The following ROCK1 variants were observed in gnomAD, a reference collection of about 807,000 sequenced individuals.
The protein encoded by ROCK1 is rho-associated protein kinase 1.
In ROCK1, 36 loss-of-function variants were observed where a neutral mutation model predicts 196.8. The ratio of observed to expected loss-of-function variants is 0.18; its 90% confidence interval spans 0.14 to 0.24. The LOEUF (loss-of-function observed/expected upper bound fraction) is 0.24, where lower values mean the gene tolerates loss of function less well. Among genes scored for constraint, ROCK1 ranks in the 10% least tolerant of loss-of-function variants. The pLI is 1.00. For missense variants in ROCK1, 920 were observed against 1,562.0 expected (o/e 0.59, Z 6.93); for synonymous variants, 443 against 515.9 (o/e 0.86, Z 1.91).
rs75429805 is a variant in ROCK1 at position 21,089,052 on chromosome 18, CT to C, written c.94-18440del. Among the ~76,000 whole-genome samples the C allele has an allele frequency of 6.1e-3, 902 of 147,756 alleles. 5 individuals are homozygous for C. The highest frequency in any genetic ancestry group is 0.021 in the African/African-American group (837 of 40,488). On this transcript the variant is annotated intron_variant, in intron 1 of 32. Coordinates refer to ENST00000399799, the MANE Select transcript of ROCK1 (RefSeq NM_005406.3). ...TTATAAATAACATATTTTATTAAAA[CT>C]TTTTTTTTTTAAGACGGAGTCTTGC... is the stretch of plus-strand genomic sequence containing the variant.
Position 21,012,664 on chromosome 18 carries a change from T to C in ROCK1, c.1410+2767A>G, listed in dbSNP as rs190104953. ...TTGCTAAGCTTCTTGGTAGTTCATG[T>C]CTTTTGTCAGTTCAGGTCTTTTGTC... On this transcript the variant is annotated intron_variant, in intron 13 of 32. Coordinates refer to ENST00000399799, the MANE Select transcript of ROCK1 (RefSeq NM_005406.3). 2.8e-3 allele frequency among the ~76,000 whole-genome samples: 426 copies of C among 152,358 alleles called. 2 individuals are homozygous for C. The highest frequency in any genetic ancestry group is 4.8e-3 in the Admixed American group (74 of 15,310).
intron 2 of ROCK1, among the ~76,000 whole-genome samples, chr18:21,068,609 A>C (rs1206617300): frequency 1.3e-5 from 2 of 152,202 alleles, no homozygotes; most frequent in African/African-American, 4.8e-5. Flanking sequence ...TGAACATTGA[A>C]TATCTTGTTA....
intron 2 of ROCK1, among the ~76,000 whole-genome samples, chr18:21,052,051 G>GA (rs1223501751): frequency 1.3e-5 from 2 of 152,196 alleles, no homozygotes; most frequent in African/African-American, 2.4e-5. Context: ...CTGTTACGTT[G>GA]AAAAAAAGAT....
At chr18:21,094,318 A>T (rs557844706) in intron 1 of ROCK1, among the ~76,000 whole-genome samples, 1 of 152,240 alleles carries the variant, frequency 6.6e-6, no homozygotes, top group South Asian at 2.1e-4. Context: ...AAGAATCAAC[A>T]AAGTGAGGAG....
chr18:21,052,081 C>T (rs1278984645), intron 2 of ROCK1, among the ~76,000 whole-genome samples: 1 of 152,166 alleles, frequency 6.6e-6, no homozygotes, highest in Non-Finnish European at 1.5e-5. Flanking sequence ...TAGCTATGAG[C>T]TAGAATAGGC....
intron 1 of ROCK1, among the ~76,000 whole-genome samples, chr18:21,078,373 C>CACACACACACACACACACAG (rs1491188980): frequency 3.0e-5 from 2 of 66,118 alleles, no homozygotes; most frequent in African/African-American, 7.1e-5. Context: ...CACACACACA[C>CACACACACACACACACACAG]AGAGAGAGAG....
At chr18:21,010,114 G>A (rs768889403) in intron 13 of ROCK1, among the ~76,000 whole-genome samples, 1 of 152,028 alleles carries the variant, frequency 6.6e-6, no homozygotes, top group Non-Finnish European at 1.5e-5. Flanking sequence ...CTTGCTAGAG[G>A]TTTGTTAATT....
In ROCK1 at chr18:21,107,061, A is replaced by G. The variant is rs535008847; in HGVS notation, c.93+3757T>C. Among the ~76,000 whole-genome samples the G allele has an allele frequency of 1.9e-3, 294 of 152,348 alleles. 2 individuals carry two copies. The highest frequency in any genetic ancestry group is 2.1e-3 in the Admixed American group (32 of 15,308). On this transcript the variant is annotated intron_variant, in intron 1 of 32. Transcript: ENST00000399799. ...TAAGAAATTCATTTACGTCTCATAC[A>G]TACCTTATACACAACAACCTGAAGG...
intron 14 of ROCK1, among the ~76,000 whole-genome samples, chr18:21,007,212 CTTCT>C (rs1229327412): frequency 6.6e-6 from 1 of 152,014 alleles, no homozygotes; most frequent in Non-Finnish European, 1.5e-5. Context: ...ATTTTTGCCC[CTTCT>C]GAGTCTCCCT....
chr18:21,028,683 A>G, intron 10 of ROCK1, 93 bp downstream of exon 10: 1 of 1,097,054 alleles, frequency 9.1e-7, no homozygotes, highest in South Asian at 1.7e-5. Flanking sequence ...GTGTATCTTT[A>G]TATAGCATTA....
In ROCK1 at chr18:20,960,224, T is replaced by C. The variant is rs201454814; in HGVS notation, c.3353-18A>G. The C allele has an allele frequency of 4.9e-5, 68 of 1,392,620 alleles. No homozygotes were observed. The highest frequency in any genetic ancestry group is 2.6e-5 in the Non-Finnish European group (25 of 978,574). 86.3% of individuals were successfully genotyped at this position (1,392,620 alleles called of 1,614,324 possible). ...TCTTGACTCTAGGAGAAAAAGAATA[T>C]ATGTATTAGTCAGTCTTAAATTGTA... On this transcript the variant is annotated intron_variant, in intron 27 of 32. Coordinates refer to ENST00000399799, the MANE Select transcript of ROCK1 (RefSeq NM_005406.3).
chr18:21,014,667 C>T (rs1472087529), intron 13 of ROCK1, among the ~76,000 whole-genome samples: 1 of 152,152 alleles, frequency 6.6e-6, no homozygotes, highest in Non-Finnish European at 1.5e-5. Flanking sequence ...AGTAAATGCT[C>T]TCTAAATCTT....
At chr18:21,007,601 G>A (rs1197876162) in intron 14 of ROCK1, among the ~76,000 whole-genome samples, 1 of 152,124 alleles carries the variant, frequency 6.6e-6, no homozygotes, top group African/African-American at 2.4e-5. Flanking sequence ...CTGCATCAAT[G>A]GGAGTAGAAA....
chr18:21,104,777 T>C (rs1394286282), intron 1 of ROCK1, among the ~76,000 whole-genome samples: 2 of 152,190 alleles, frequency 1.3e-5, no homozygotes, highest in South Asian at 2.1e-4. Context: ...TAGTTCCCAA[T>C]TGCCTTTTAT....
At chr18:21,090,930 T>A (rs2036564394) in intron 1 of ROCK1, among the ~76,000 whole-genome samples, 1 of 152,134 alleles carries the variant, frequency 6.6e-6, no homozygotes, top group Admixed American at 6.5e-5. Context: ...GGAAAAAAAA[T>A]TAATCTCATA....
At chr18:21,065,967 A>G (rs2036331030) in intron 2 of ROCK1, among the ~76,000 whole-genome samples, 1 of 152,222 alleles carries the variant, frequency 6.6e-6, no homozygotes, top group African/African-American at 2.4e-5. Flanking sequence ...ATATGACTTA[A>G]GCTGAATTTT....
intron 1 of ROCK1, among the ~76,000 whole-genome samples, chr18:21,106,182 G>T (rs2036701446): frequency 6.6e-6 from 1 of 152,204 alleles, no homozygotes; most frequent in Non-Finnish European, 1.5e-5. Context: ...GAAGTGGAAA[G>T]GTCATGTTCT....
intron 22 of ROCK1, among the ~76,000 whole-genome samples, chr18:20,978,481 G>GT (rs1197006115): frequency 6.6e-6 from 1 of 152,174 alleles, no homozygotes; most frequent in Non-Finnish European, 1.5e-5. Flanking sequence ...CTAACTGCAT[G>GT]TGACTACTGA....
chr18:21,091,079 G>A (rs867676884), intron 1 of ROCK1, among the ~76,000 whole-genome samples: 5 of 151,100 alleles, frequency 3.3e-5, no homozygotes, highest in Middle Eastern at 6.8e-3. Flanking sequence ...TATACACCGA[G>A]TATGCCTCTC....
Sources: allele counts gnomAD v4.1 joint callset (sites outside exome capture counted in the v4.1 genomes callset), GRCh38; gene constraint gnomAD v4.1.1; transcripts MANE v1.5; gene names NCBI Gene and HGNC (gene_info 2026-07-23, HGNC 2026-07-21).